The following HHAT variants were observed in gnomAD, a reference collection of about 807,000 sequenced individuals.
HHAT encodes the protein protein-cysteine N-palmitoyltransferase HHAT.
A neutral mutation model predicts 70.8 loss-of-function variants in HHAT; 47 were observed. The ratio of observed to expected loss-of-function variants is 0.66; its 90% CI spans 0.53 to 0.85. The LOEUF is 0.85. Ranked by LOEUF, HHAT falls within the 40% of genes least tolerant of loss-of-function variation. The pLI is 0.00. For missense variants in HHAT, 609 were observed against 604.8 expected (o/e 1.01, Z -0.07); for synonymous variants, 228 against 247.6 (o/e 0.92, Z 0.74).
At chr1:210,656,637 G>A (rs1183180402) in intron 11 of HHAT, among the ~76,000 whole-genome samples, 3 of 152,182 alleles carry the variant, frequency 2.0e-5, no homozygotes, top group Non-Finnish European at 2.9e-5. Flanking sequence ...ACCCTTGGTC[G>A]CCAGGGTTTC....
intron 11 of HHAT, among the ~76,000 whole-genome samples, chr1:210,668,737 C>T (rs1679450236): frequency 6.6e-6 from 1 of 152,140 alleles, no homozygotes; most frequent in African/African-American, 2.4e-5. Context: ...CTGTTTTCCA[C>T]AGTGGCTGTA....
At chr1:210,360,726 A>G (rs2088197325) in intron 2 of HHAT, among the ~76,000 whole-genome samples, 1 of 152,180 alleles carries the variant, frequency 6.6e-6, no homozygotes, top group African/African-American at 2.4e-5. Flanking sequence ...TAAAGATGAC[A>G]TGTAAATAGG....
chr1:210,561,195 C>A lies in HHAT; in HGVS notation c.1044-26703C>A, dbSNP rs190179437. On this transcript the variant is annotated intron_variant, in intron 9 of 11. Coordinates refer to ENST00000261458, the MANE Select transcript of HHAT (RefSeq NM_018194.6). ...ATGGCCTCGAGGTGATCTTGGGCCA[C>A]TTGTTTGGACAGAGGGAAGGCCCTT... is the stretch of plus-strand genomic sequence containing the variant. Among the ~76,000 whole-genome samples the A allele has an allele frequency of 2.3e-3, 351 of 152,228 alleles. 1 individual carries two copies. The highest frequency in any genetic ancestry group is 8.2e-3 in the African/African-American group (341 of 41,538).
At chr1:210,572,000 T>A (rs1206159812) in intron 9 of HHAT, among the ~76,000 whole-genome samples, 1 of 152,190 alleles carries the variant, frequency 6.6e-6, no homozygotes, top group Non-Finnish European at 1.5e-5. Context: ...CCTGACTGCA[T>A]TAAGAGAAAA....
At chr1:210,609,497 CT>C (rs1185302034) in intron 10 of HHAT, among the ~76,000 whole-genome samples, 2 of 151,974 alleles carry the variant, frequency 1.3e-5, no homozygotes, top group African/African-American at 2.4e-5. Flanking sequence ...TTTATGGTAA[CT>C]TTTTTTCTTT....
chr1:210,340,242 G>GGGGGGAAAAA (rs1553313987), intron 1 of HHAT, among the ~76,000 whole-genome samples: 1 of 99,784 alleles, frequency 1.0e-5, no homozygotes, highest in African/African-American at 3.4e-5. Context: ...CTCTGTCTCA[G>GGGGGGAAAAA]AAAAAAAAAA....
intron 9 of HHAT, among the ~76,000 whole-genome samples, chr1:210,517,365 G>A (rs2095074726): frequency 1.3e-5 from 2 of 152,090 alleles, no homozygotes; most frequent in African/African-American, 2.4e-5. Context: ...GAGCTCAAGC[G>A]ATCCTCCCGC....
rs544763347 is a variant in HHAT at position 210,549,716 on chromosome 1, T to G, written c.1043+36528T>G. Among the ~76,000 whole-genome samples, 5 of 148,974 alleles carry G rather than the reference T, an allele frequency of 3.4e-5. 2 individuals are homozygous for G. In the East Asian group the frequency reaches 1.1e-3, roughly 33 times the overall value. On this transcript the variant is annotated intron_variant, in intron 9 of 11. Transcript: ENST00000261458. ...TATGATAGGATAAAAATAAAGAAGC[T>G]GGGTACAGTGGTGTACGCCTGTAGT...
intron 9 of HHAT, among the ~76,000 whole-genome samples, chr1:210,540,774 A>G (rs1236152551): frequency 6.6e-6 from 1 of 152,090 alleles, no homozygotes; most frequent in African/African-American, 2.4e-5. Flanking sequence ...GTTCCCAAGT[A>G]GCTGGAACTA....
intron 6 of HHAT, among the ~76,000 whole-genome samples, chr1:210,412,477 A>G (rs1331295579): frequency 1.3e-5 from 2 of 152,206 alleles, no homozygotes; most frequent in African/African-American, 4.8e-5. Context: ...TGTGAAATCA[A>G]GCTCTGTACA....
intron 1 of HHAT, among the ~76,000 whole-genome samples, chr1:210,338,032 TA>T (rs1213504400): frequency 6.6e-6 from 1 of 152,182 alleles, no homozygotes; most frequent in African/African-American, 2.4e-5. Flanking sequence ...GTAAATGTAC[TA>T]TACAGAGTCA....
At chr1:210,616,823 A>G (rs1667847188) in intron 10 of HHAT, among the ~76,000 whole-genome samples, 1 of 152,246 alleles carries the variant, frequency 6.6e-6, no homozygotes, top group Non-Finnish European at 1.5e-5. Flanking sequence ...CATTTGTAAA[A>G]TATGAATAGT....
intron 7 of HHAT, among the ~76,000 whole-genome samples, chr1:210,424,344 AT>A (rs1451110101): frequency 6.6e-6 from 1 of 152,090 alleles, no homozygotes; most frequent in Non-Finnish European, 1.5e-5. Flanking sequence ...TATAGAAATG[AT>A]ACTGATTTTT....
chr1:210,475,938 T>A (rs2094299481), intron 8 of HHAT, among the ~76,000 whole-genome samples: 1 of 152,196 alleles, frequency 6.6e-6, no homozygotes, highest in South Asian at 2.1e-4. Flanking sequence ...ATTTAGATAT[T>A]ATCATCAATG....
intron 7 of HHAT, among the ~76,000 whole-genome samples, chr1:210,421,147 T>C (rs939323451): frequency 1.3e-5 from 2 of 152,086 alleles, no homozygotes; most frequent in African/African-American, 4.8e-5. Flanking sequence ...CTAAAATTTG[T>C]GTGGAACCAC....
At chr1:210,508,939 C>T (rs1253272379) in intron 8 of HHAT, among the ~76,000 whole-genome samples, 1 of 152,142 alleles carries the variant, frequency 6.6e-6, no homozygotes, top group East Asian at 1.9e-4. Context: ...AAGCACAGTA[C>T]CTATGTAACA....
Position 210,667,029 on chromosome 1 carries a change from G to A in HHAT, c.1391-7259G>A, listed in dbSNP as rs561430049. On this transcript the variant is annotated intron_variant, in intron 11 of 11. Coordinates refer to ENST00000261458, the MANE Select transcript of HHAT (RefSeq NM_018194.6). ...CGGAAGGCAGAGCTTGCAGTGAGCC[G>A]AGATTGCACCACTGCACTCCAGCCT... Among the ~76,000 whole-genome samples the A allele has an allele frequency of 2.0e-3, 299 of 150,976 alleles. 2 individuals are homozygous for A. Among genetic ancestry groups the A allele is most frequent in the African/African-American group, 6.5e-3 (269 of 41,102 alleles).
At chr1:210,336,051 G>A (rs1466038984) in intron 1 of HHAT, among the ~76,000 whole-genome samples, 1 of 152,194 alleles carries the variant, frequency 6.6e-6, no homozygotes, top group Non-Finnish European at 1.5e-5. Context: ...AACCATGGTG[G>A]TAGAAGTTAG....
intron 8 of HHAT, among the ~76,000 whole-genome samples, chr1:210,484,710 C>T (rs1292246309): frequency 6.6e-6 from 1 of 152,116 alleles, no homozygotes; most frequent in Non-Finnish European, 1.5e-5. Flanking sequence ...TGAGCTCCTT[C>T]CCCCAATTTG....
Sources: gnomAD v4.1 joint callset for allele counts (sites outside exome capture counted in the v4.1 genomes callset) on GRCh38, gnomAD v4.1.1 for gene constraint, MANE v1.5 for transcripts, NCBI Gene and HGNC (gene_info 2026-07-23, HGNC 2026-07-21) for gene names.